ULK2: variants seen among roughly 807,000 people sequenced by gnomAD.
ULK2 encodes serine/threonine-protein kinase ULK2.
A neutral mutation model predicts 127.5 loss-of-function variants in ULK2; 76 were observed. The observed-to-expected ratio is 0.60, with a 90% CI of 0.50 to 0.72. The LOEUF (loss-of-function observed/expected upper bound fraction) is 0.72, where lower values mean the gene tolerates loss of function less well. ULK2 is among the 30% of genes least tolerant of loss of function. The pLI is 0.00. For missense variants in ULK2, 1,144 were observed against 1,295.9 expected, an observed-to-expected ratio of 0.88 and a Z score of 1.80; for synonymous variants, 452 against 461.9, an observed-to-expected ratio of 0.98 and a Z score of 0.28.
chr17:19,793,817 CA>C (rs1421474931), intron 20 of ULK2, among the ~76,000 whole-genome samples: 1 of 152,174 alleles, frequency 6.6e-6, no homozygotes, highest in African/African-American at 2.4e-5. Flanking sequence ...AATTAAAAGG[CA>C]TGCTAAAAGG....
chr17:19,831,306 C>T (rs1019024618), intron 10 of ULK2, among the ~76,000 whole-genome samples: 1 of 152,054 alleles, frequency 6.6e-6, no homozygotes, highest in Non-Finnish European at 1.5e-5. Flanking sequence ...ACTCACCTCC[C>T]ACCAAGCCCT....
chr17:19,846,783 A>G lies in ULK2; in HGVS notation c.423T>C (p.Tyr141=), dbSNP rs2041894272. 3.7e-6 allele frequency: 6 copies of G among 1,613,556 alleles called. No individual in the cohort carries two copies. Among genetic ancestry groups the G allele is most frequent in the Non-Finnish European group, 4.2e-6 (5 of 1,179,784 alleles). Reference sequence around the variant, plus strand: ...TGACACTTGATTTTCTGCGATTGGCATAGGACAGCAAGATGTTCTGTGGTT... The same window carrying G: ...TGACACTTGATTTTCTGCGATTGGCGTAGGACAGCAAGATGTTCTGTGGTT... ...DLKPQNILLS[Y]ANRRKSSVSG... The change falls in exon 6 of 27, where the codon TAT becomes TAC. Residue 141 remains tyrosine, a synonymous_variant. Transcript: ENST00000395544.
chr17:19,826,488 A>C (rs527846137), intron 10 of ULK2, among the ~76,000 whole-genome samples: 3 of 152,192 alleles, frequency 2.0e-5, no homozygotes, highest in Non-Finnish European at 4.4e-5. Context: ...TCTCTAACGT[A>C]TGCCACCCTC....
At chr17:19,856,806 A>C (rs1392460628) in intron 3 of ULK2, among the ~76,000 whole-genome samples, 1 of 150,234 alleles carries the variant, frequency 6.7e-6, no homozygotes, top group Non-Finnish European at 1.5e-5. Context: ...CCCCGTCTCT[A>C]CTAAAAAATA....
At chr17:19,846,654 AAT>A in intron 6 of ULK2, 81 bp downstream of exon 6, 1 of 1,448,800 alleles carries the variant, frequency 6.9e-7, no homozygotes, top group South Asian at 1.5e-5. Context: ...AAAAAAAAAA[AAT>A]CCATCATTCA....
At chr17:19,781,247 T>C (rs1031361640) in intron 23 of ULK2, 143 bp from the exon 24 acceptor site, 81 of 606,190 alleles carry the variant, frequency 1.3e-4, no homozygotes, top group Middle Eastern at 4.4e-4. Flanking sequence ...CTTTTCTTTT[T>C]TTTTTTTTTT....
intron 5 of ULK2, among the ~76,000 whole-genome samples, chr17:19,847,438 C>T (rs147683501): frequency 2.6e-5 from 4 of 152,286 alleles, no homozygotes; most frequent in East Asian, 1.9e-4. Context: ...CCCACACCCC[C>T]GTCCCACTAT....
At position 19,810,386 on chromosome 17, in the gene ULK2, C is replaced by T. The variant is rs773099262; in HGVS notation, c.1149G>A (p.Val383=). Residue 383 remains valine, a synonymous_variant, in exon 14 of 27, where the codon GTG becomes GTA. Transcript: ENST00000395544. ...AGRRASNEFL[V]CGGQCQPTVS... is the part of the protein sequence containing the mutation. ...AATGTAAATATACATACCCTCCACA[C>T]ACCAAGAATTCATTTGAAGCACGTC... is the stretch of plus-strand genomic sequence containing the variant. 1 of 1,604,876 alleles carries T rather than the reference C, an allele frequency of 6.2e-7. No homozygotes were observed. Among genetic ancestry groups the T allele is most frequent in the South Asian group, 1.1e-5 (1 of 90,304 alleles).
chr17:19,797,669 T>A lies in ULK2; in HGVS notation c.1536A>T (p.Pro512=). The part of the protein sequence containing the change: ...RSRNSSGSPV[P]QAQSPQSLLS... ...AGAGAGACTGTGGGGACTGAGCTTG[T>A]GGCACTGGAGAACCTAACAAGAAAA... The change falls in exon 18 of 27, where the codon CCA becomes CCT. Residue 512 remains proline, a synonymous_variant. Transcript: ENST00000395544. The A allele has an allele frequency of 6.5e-7, 1 of 1,531,674 alleles. No individual in the cohort carries two copies. The highest frequency in any genetic ancestry group is 8.8e-7 in the Non-Finnish European group (1 of 1,137,948). The allele number at this position is 1,531,674 out of a possible 1,614,324, so 94.9% of individuals were successfully genotyped here.
chr17:19,829,207 A>T (rs535417791), intron 10 of ULK2, among the ~76,000 whole-genome samples: 1 of 152,330 alleles, frequency 6.6e-6, no homozygotes, highest in Non-Finnish European at 1.5e-5. Context: ...GACAAAATAG[A>T]ATTTGAATTG....
chr17:19,786,474 G>A (rs1035593200), intron 20 of ULK2, among the ~76,000 whole-genome samples: 1 of 152,148 alleles, frequency 6.6e-6, no homozygotes, highest in Non-Finnish European at 1.5e-5. Flanking sequence ...AGCACTTTGG[G>A]AGGCCAAGGC....
intron 9 of ULK2, among the ~76,000 whole-genome samples, chr17:19,839,673 AAAAG>A (rs1196157876): frequency 1.3e-5 from 2 of 151,924 alleles, no homozygotes; most frequent in South Asian, 2.1e-4. Context: ...AAAAAAAAAA[AAAAG>A]AAAGAAAAGA....
At chr17:19,780,360 T>C (rs1269935903) in intron 25 of ULK2, 112 bp downstream of exon 25, 1 of 994,904 alleles carries the variant, frequency 1.0e-6, no homozygotes, top group Non-Finnish European at 1.4e-6. Context: ...TCCACAATAC[T>C]TGGGACTTGA....
chr17:19,824,205 G>A (rs2041231424), intron 12 of ULK2, among the ~76,000 whole-genome samples: 1 of 152,092 alleles, frequency 6.6e-6, no homozygotes, highest in Admixed American at 6.6e-5. Context: ...CACACTTTGG[G>A]AGGCCAAGGC....
chr17:19,825,784 C>T (rs1342822653), intron 11 of ULK2, among the ~76,000 whole-genome samples: 3 of 149,264 alleles, frequency 2.0e-5, no homozygotes, highest in African/African-American at 7.4e-5. Flanking sequence ...GTCCGGAGTT[C>T]GAGACCAGCC....
chr17:19,861,461 C>A (rs146505909), intron 3 of ULK2, among the ~76,000 whole-genome samples: 1 of 151,996 alleles, frequency 6.6e-6, no homozygotes, highest in Non-Finnish European at 1.5e-5. Flanking sequence ...AGGAGAATGG[C>A]GTGAACCCAG....
chr17:19,803,432 T>A (rs1025871854), intron 15 of ULK2, among the ~76,000 whole-genome samples: 1 of 152,222 alleles, frequency 6.6e-6, no homozygotes, highest in African/African-American at 2.4e-5. Context: ...AAGGTACCAA[T>A]AGCTTTATCC....
intron 26 of ULK2, 59 bp from the exon 27 acceptor site, chr17:19,776,466 C>T (rs1212442528): frequency 1.4e-6 from 2 of 1,410,806 alleles, no homozygotes; most frequent in East Asian, 5.1e-5. Context: ...ATTGTCATCT[C>T]TATTCTATCT....
intron 23 of ULK2, among the ~76,000 whole-genome samples, chr17:19,781,553 T>C (rs1423746115): frequency 6.6e-6 from 1 of 152,104 alleles, no homozygotes; most frequent in Admixed American, 6.5e-5. Context: ...CGACCAGCCC[T>C]CCTTAATTTC....
Sources: gnomAD v4.1 joint callset for allele counts (sites outside exome capture counted in the v4.1 genomes callset) on GRCh38, gnomAD v4.1.1 for gene constraint, MANE v1.5 for transcripts, NCBI Gene and HGNC (gene_info 2026-07-23, HGNC 2026-07-21) for gene names.